The following TDRD3 variants were observed in gnomAD, a reference collection of about 807,000 sequenced individuals.
TDRD3 encodes the protein tudor domain containing 3.
In TDRD3, 45 loss-of-function variants were observed where a neutral mutation model predicts 86.7. That is an observed-to-expected ratio of 0.52 (90% CI 0.41 to 0.67). The LOEUF is 0.67. Among genes scored for constraint, TDRD3 ranks in the 30% least tolerant of loss-of-function variants. The pLI is 0.00. For missense variants in TDRD3, 814 were observed against 889.0 expected, an observed-to-expected ratio of 0.92 and a Z score of 1.07; for synonymous variants, 298 against 301.7, an observed-to-expected ratio of 0.99 and a Z score of 0.13.
intron 4 of TDRD3, among the ~76,000 whole-genome samples, chr13:60,461,437 A>G (rs1281385542): frequency 6.6e-6 from 1 of 152,130 alleles, no homozygotes; most frequent in Non-Finnish European, 1.5e-5. Context: ...TATTCTTGAT[A>G]TTTCCATTTG....
intron 12 of TDRD3, among the ~76,000 whole-genome samples, chr13:60,539,955 A>T (rs1465863601): frequency 1.3e-5 from 2 of 152,134 alleles, no homozygotes; most frequent in African/African-American, 2.4e-5. Context: ...ATTAAAAAGG[A>T]TAATTCTTAC....
At position 60,573,629 on chromosome 13, in the gene TDRD3, A is replaced by G; in HGVS notation, c.*23A>G. 4 of 985,454 alleles carry G rather than the reference A, an allele frequency of 4.1e-6. No individual in the cohort carries two copies. Among genetic ancestry groups the G allele is most frequent in the Non-Finnish European group, 4.8e-6 (4 of 829,934 alleles). 61.0% of individuals were successfully genotyped at this position (985,454 alleles called of 1,614,324 possible). A position where few individuals can be genotyped will look rare whatever the true frequency, so the allele number is the denominator to read the frequency against. The stretch of plus-strand genomic sequence containing the variant: ...TTTTTAAAGTAGACTCTTTGTGAAG[A>G]AACGAGCCAGTGACTGAAACACCCT... On this transcript the variant is annotated 3_prime_UTR_variant, in exon 14 of 14. Coordinates refer to ENST00000377881, the MANE Select transcript of TDRD3 (RefSeq NM_001146070.2).
At position 60,439,741 on chromosome 13, in the gene TDRD3, A is replaced by G. The variant is rs1202699213; in HGVS notation, c.95A>G (p.Asn32Ser). 4.5e-6 allele frequency: 7 copies of G among 1,544,590 alleles called. No homozygotes were observed. The highest frequency in any genetic ancestry group is 2.5e-5 in the East Asian group (1 of 40,658). ...TGCACAAGCTCTCCAGACAAAGTCA[A>G]TGTAAATGACATCATCCTGATTGCT... ...EACTSSPDKV[N>S]VNDIILIALN... is the part of the protein sequence containing the mutation. The change falls in exon 2 of 14, where the codon AAT becomes AGT. Residue 32 changes from asparagine (N) to serine (S), a missense_variant. Transcript: ENST00000377881.
In TDRD3 at chr13:60,410,531, T is replaced by G. The variant is rs1188348350; in HGVS notation, c.41+13126T>G. On this transcript the variant is annotated intron_variant, in intron 1 of 13. Coordinates refer to ENST00000377881, the MANE Select transcript of TDRD3 (RefSeq NM_001146070.2). ...CAGAATGGCAAGTACTGGCAACCCT[T>G]TGTGTCTGTGCTGAGAGTGCAAGTT... Among the ~76,000 whole-genome samples the G allele has an allele frequency of 2.0e-5, 3 of 152,188 alleles. No homozygotes were observed. The East Asian group carries it at 5.8e-4, about 29-fold the overall frequency.
At chr13:60,397,536 C>T (rs1408924647) in intron 1 of TDRD3, 131 bp downstream of exon 1, 1 of 680,354 alleles carries the variant, frequency 1.5e-6, no homozygotes, top group African/African-American at 1.9e-5. Context: ...TCTCCCCGGG[C>T]CCTTCGGGCC....
intron 12 of TDRD3, among the ~76,000 whole-genome samples, chr13:60,541,267 A>G (rs2137846744): frequency 6.6e-6 from 1 of 151,844 alleles, no homozygotes; most frequent in Middle Eastern, 3.4e-3. Flanking sequence ...TCCTGGGTTC[A>G]AGCCATTCTC....
intron 1 of TDRD3, among the ~76,000 whole-genome samples, chr13:60,426,463 A>C (rs903891960): frequency 6.6e-6 from 1 of 152,238 alleles, no homozygotes; most frequent in African/African-American, 2.4e-5. Context: ...TAGATATGTT[A>C]ATAAGCTTCA....
intron 10 of TDRD3, among the ~76,000 whole-genome samples, chr13:60,512,906 T>A (rs1352877729): frequency 6.6e-6 from 1 of 152,170 alleles, no homozygotes; most frequent in Non-Finnish European, 1.5e-5. Context: ...TGGAGGATGG[T>A]GGCCCTCTTC....
rs115062840 is a variant in TDRD3 at position 60,493,862 on chromosome 13, A to T, written c.718-573A>T. Among the ~76,000 whole-genome samples, 1,132 of 152,342 alleles carry T rather than the reference A, an allele frequency of 7.4e-3. 16 individuals carry two copies. The highest frequency in any genetic ancestry group is 0.026 in the African/African-American group (1,079 of 41,578). ...CAAATTTAATGTCACATATATATTT[A>T]TTCAAAAAAGACAGGCCAAATAAGA... On this transcript the variant is annotated intron_variant, in intron 7 of 13. Transcript: ENST00000377881.
chr13:60,533,297 T>C (rs115480354), intron 11 of TDRD3, among the ~76,000 whole-genome samples: 2,267 of 152,296 alleles, frequency 0.015, 50 homozygotes, highest in African/African-American at 0.052. Flanking sequence ...GTGAAAAATA[T>C]GAATTTTTGT....
chr13:60,403,403 T>TTA (rs1954153591), intron 1 of TDRD3, among the ~76,000 whole-genome samples: 1 of 152,210 alleles, frequency 6.6e-6, no homozygotes, highest in South Asian at 2.1e-4. Context: ...CTTATCATGT[T>TTA]TCAGTTAAGT....
At chr13:60,445,979 G>A (rs1445541064) in intron 3 of TDRD3, among the ~76,000 whole-genome samples, 1 of 151,782 alleles carries the variant, frequency 6.6e-6, no homozygotes, top group Non-Finnish European at 1.5e-5. Flanking sequence ...TTTGCACAGT[G>A]GTCTCTTTAA....
At chr13:60,510,860 AG>A (rs1957044812) in intron 10 of TDRD3, 105 bp downstream of exon 10, 7 of 1,111,602 alleles carry the variant, frequency 6.3e-6, no homozygotes, top group Non-Finnish European at 8.4e-6. Context: ...TTAGAATTGT[AG>A]TGTAAAACAA....
chr13:60,401,812 C>A (rs1295828493), intron 1 of TDRD3, among the ~76,000 whole-genome samples: 1 of 152,204 alleles, frequency 6.6e-6, no homozygotes, highest in East Asian at 1.9e-4. Context: ...ATGCTAACAT[C>A]CTCTGGCCCA....
At chr13:60,496,288 CATATATAT>C (rs56211733) in intron 8 of TDRD3, among the ~76,000 whole-genome samples, 758 of 60,728 alleles carry the variant, frequency 0.012, 8 homozygotes, top group Non-Finnish European at 0.015. Flanking sequence ...AACAAACTCC[CATATATAT>C]ATATATATAT....
intron 3 of TDRD3, among the ~76,000 whole-genome samples, chr13:60,453,039 A>G (rs1206448370): frequency 6.6e-6 from 1 of 151,742 alleles, no homozygotes; most frequent in African/African-American, 2.4e-5. Context: ...TTTTTCCTCA[A>G]CTTCTTAGTT....
At chr13:60,558,815 C>CA (rs897104950) in intron 12 of TDRD3, among the ~76,000 whole-genome samples, 21 of 150,884 alleles carry the variant, frequency 1.4e-4, no homozygotes, top group Admixed American at 4.6e-4. Context: ...CTCCCCAAAA[C>CA]AAAAAAAATG....
chr13:60,437,622 CT>C lies in TDRD3; in HGVS notation c.42-2065del, dbSNP rs556607724. ...ATTAATTTATTATAATATAAATAATCTATTATAATTTAAATTAATTAATCTA... is the reference window on the plus strand; with the variant it reads ...ATTAATTTATTATAATATAAATAATCATTATAATTTAAATTAATTAATCTA... On this transcript the variant is annotated intron_variant, in intron 1 of 13. Coordinates refer to ENST00000377881, the MANE Select transcript of TDRD3 (RefSeq NM_001146070.2). Among the ~76,000 whole-genome samples, 1,043 of 150,710 alleles carry C rather than the reference CT, an allele frequency of 6.9e-3. 4 individuals are homozygous for C. The highest frequency in any genetic ancestry group is 0.011 in the Non-Finnish European group (713 of 67,680).
intron 13 of TDRD3, among the ~76,000 whole-genome samples, chr13:60,568,415 A>G (rs1226619324): frequency 6.6e-6 from 1 of 152,210 alleles, no homozygotes; most frequent in African/African-American, 2.4e-5. Flanking sequence ...TTCTTACGGC[A>G]TGGAATAACT....
Sources: allele counts gnomAD v4.1 joint callset (sites outside exome capture counted in the v4.1 genomes callset), GRCh38; gene constraint gnomAD v4.1.1; transcripts MANE v1.5; gene names NCBI Gene and HGNC (gene_info 2026-07-23, HGNC 2026-07-21).